The following CATSPER4 variants were observed in gnomAD, a reference collection of about 807,000 sequenced individuals.
CATSPER4 encodes cation channel sperm associated 4.
A neutral mutation model predicts 54.4 loss-of-function variants in CATSPER4; 46 were observed. The ratio of observed to expected loss-of-function variants is 0.84; its 90% confidence interval spans 0.67 to 1.08. CATSPER4 has a LOEUF of 1.08. CATSPER4 is among the 50% of genes least tolerant of loss of function. The pLI, the probability that CATSPER4 is intolerant of heterozygous loss-of-function variation, is 0.00. For missense variants in CATSPER4, 574 were observed against 612.8 expected, an observed-to-expected ratio of 0.94 and a Z score of 0.67; for synonymous variants, 230 against 231.9, an observed-to-expected ratio of 0.99 and a Z score of 0.08.
chr1:26,202,049 CT>C (rs781424207), intron 9 of CATSPER4, among the ~76,000 whole-genome samples: 2 of 152,312 alleles, frequency 1.3e-5, no homozygotes, highest in South Asian at 4.1e-4. Flanking sequence ...AGGTTCTGCA[CT>C]TTCCTTCTCG....
chr1:26,195,145 A>AAG (rs1394065288), intron 3 of CATSPER4, among the ~76,000 whole-genome samples: 2 of 152,208 alleles, frequency 1.3e-5, no homozygotes, highest in African/African-American at 4.8e-5. Flanking sequence ...ACTATGTTGA[A>AAG]AGGTACACAC....
At chr1:26,202,039 A>G (rs1218136551) in intron 9 of CATSPER4, among the ~76,000 whole-genome samples, 1 of 152,130 alleles carries the variant, frequency 6.6e-6, no homozygotes, top group Non-Finnish European at 1.5e-5. Context: ...CTATCTGGTT[A>G]GGTTCTGCAC....
rs529618082 is a variant in CATSPER4 at position 26,199,977 on chromosome 1, C to T, written c.906C>T (p.Phe302=). The part of the protein sequence containing the change: ...TIGAFIGINL[F]VIVVTTNLEQ... The stretch of plus-strand genomic sequence containing the variant: ...GTGCCTTCATTGGCATCAACCTGTT[C>T]GTCATCGTGGTGACCACCAACCTGG... Residue 302 remains phenylalanine, a synonymous_variant, in exon 7 of 10, where the codon TTC becomes TTT. Transcript: ENST00000456354. The T allele has an allele frequency of 5.6e-6, 9 of 1,614,036 alleles. No individual in the cohort carries two copies. Among genetic ancestry groups the T allele is most frequent in the Admixed American group, 3.3e-5 (2 of 59,996 alleles).
At chr1:26,190,893 C>A in intron 1 of CATSPER4, 53 bp downstream of exon 1, 1 of 1,519,210 alleles carries the variant, frequency 6.6e-7, no homozygotes, top group Non-Finnish European at 9.0e-7. Context: ...TGCTCATGGG[C>A]AGCAGGCCCT....
At chr1:26,192,259 C>T (rs1444954350) in intron 2 of CATSPER4, among the ~76,000 whole-genome samples, 1 of 151,804 alleles carries the variant, frequency 6.6e-6, no homozygotes, top group Non-Finnish European at 1.5e-5. Context: ...TCCCAAGTAG[C>T]TAGGACTACA....
At chr1:26,199,248 C>T (rs1027559930) in intron 6 of CATSPER4, among the ~76,000 whole-genome samples, 1 of 151,850 alleles carries the variant, frequency 6.6e-6, no homozygotes, top group Admixed American at 6.6e-5. Flanking sequence ...CCAGCCTGGC[C>T]AAAAAGGTGA....
At chr1:26,201,689 CCT>C in intron 9 of CATSPER4, 170 bp downstream of exon 9, 2 of 508,580 alleles carry the variant, frequency 3.9e-6, no homozygotes, top group East Asian at 3.2e-5. Context: ...TTCTTTCTTT[CCT>C]TTTTTTTTTT....
rs1169300947 is a variant in CATSPER4, at chr1:26,197,933, C to T, written c.558-24C>T. 11 of 1,612,114 alleles carry T rather than the reference C, an allele frequency of 6.8e-6. No homozygotes were observed. The South Asian group carries it at 8.8e-5, about 13-fold the overall frequency. ...GAAGGGGCTGGGAAGGGCCTAGGGG[C>T]ACCCCTGACAGGCTCTGCCACAGGG... is the stretch of plus-strand genomic sequence containing the variant. On this transcript the variant is annotated intron_variant, in intron 4 of 9. Transcript: ENST00000456354.
chr1:26,191,508 C>T, intron 2 of CATSPER4, 78 bp downstream of exon 2: 1 of 1,508,294 alleles, frequency 6.6e-7, no homozygotes, highest in Non-Finnish European at 9.1e-7. Flanking sequence ...CCTCAGGCTC[C>T]TCATCTGTCT....
intron 2 of CATSPER4, 49 bp downstream of exon 2, chr1:26,191,479 G>A: frequency 1.2e-6 from 2 of 1,603,656 alleles, no homozygotes. Context: ...TGGGGGGCCT[G>A]GGGCAAGAAC....
chr1:26,202,363 T>G lies in CATSPER4; in HGVS notation c.1366-126T>G, dbSNP rs868760862. 3 of 818,776 alleles carry G rather than the reference T, an allele frequency of 3.7e-6. No homozygotes were observed. In the Middle Eastern group the frequency reaches 8.8e-4, roughly 239 times the overall value. 50.7% of individuals were successfully genotyped at this position (818,776 alleles called of 1,614,324 possible). On this transcript the variant is annotated intron_variant, in intron 9 of 9. Transcript: ENST00000456354. ...GAGGGGGTACTAGGTAGGCTCAAGT[T>G]AGACCTATGAAGCACTTCTCTGGGA...
At chr1:26,193,180 G>A (rs1041524793) in intron 2 of CATSPER4, among the ~76,000 whole-genome samples, 1 of 152,036 alleles carries the variant, frequency 6.6e-6, no homozygotes, top group African/African-American at 2.4e-5. Context: ...AAGGAGTTTC[G>A]AGGTTGAGAG....
chr1:26,200,154 G>T, intron 7 of CATSPER4, 96 bp downstream of exon 7: 1 of 1,431,904 alleles, frequency 7.0e-7, no homozygotes, highest in South Asian at 1.3e-5. Context: ...GCATAATCAA[G>T]GGCCTGGAGA....
Position 26,199,068 on chromosome 1 carries a change from A to G in CATSPER4, c.812+649A>G, listed in dbSNP as rs147070774. 3.6e-3 allele frequency among the ~76,000 whole-genome samples: 548 copies of G among 152,288 alleles called. 6 individuals carry two copies. The highest frequency in any genetic ancestry group is 0.012 in the African/African-American group (506 of 41,570). Reference sequence around the variant, plus strand: ...ACGCCTGTAATCCCAGCACCTTGGGAGGCCGAGGTGGGCAGCTCACGAGGT... The same window carrying G: ...ACGCCTGTAATCCCAGCACCTTGGGGGGCCGAGGTGGGCAGCTCACGAGGT... On this transcript the variant is annotated intron_variant, in intron 6 of 9. Coordinates refer to ENST00000456354, the MANE Select transcript of CATSPER4 (RefSeq NM_198137.2).
chr1:26,190,716 G>T lies in CATSPER4; in HGVS notation c.89G>T (p.Gly30Val). The T allele has an allele frequency of 6.2e-7, 1 of 1,613,522 alleles. No individual in the cohort carries two copies. The highest frequency in any genetic ancestry group is 8.5e-7 in the Non-Finnish European group (1 of 1,179,952). ...GWGGTQEDRM[G>V]FGGAVAALRG... ...GGCGGGACTCAGGAGGACCGTATGG[G>T]GTTTGGAGGGGCAGTAGCTGCACTG... is the stretch of plus-strand genomic sequence containing the variant. The change falls in exon 1 of 10, where the codon GGG (glycine) becomes GTG (valine). Residue 30 changes from glycine (G) to valine (V), a missense_variant. Transcript: ENST00000456354.
intron 3 of CATSPER4, among the ~76,000 whole-genome samples, chr1:26,196,044 T>C (rs928739595): frequency 3.9e-5 from 6 of 152,184 alleles, no homozygotes; most frequent in African/African-American, 1.4e-4. Flanking sequence ...AACAGTAACA[T>C]AGTATAAACA....
intron 7 of CATSPER4, 26 bp downstream of exon 7, chr1:26,200,084 G>A (rs1413103164): frequency 2.5e-6 from 4 of 1,605,412 alleles, no homozygotes; most frequent in Non-Finnish European, 3.4e-6. Context: ...AGGGCAGAAG[G>A]GAGGAAAAGG....
At chr1:26,191,537 GC>G in intron 2 of CATSPER4, 107 bp downstream of exon 2, 1 of 1,301,240 alleles carries the variant, frequency 7.7e-7, no homozygotes, top group Non-Finnish European at 1.1e-6. Context: ...TGGATTGGAT[GC>G]TCTTCAAGGG....
chr1:26,191,654 G>A (rs2088870594), intron 2 of CATSPER4, among the ~76,000 whole-genome samples: 1 of 152,202 alleles, frequency 6.6e-6, no homozygotes, highest in Admixed American at 6.5e-5. Flanking sequence ...GTACAGGAGG[G>A]ACAGGAGAAG....
Sources: allele counts gnomAD v4.1 joint callset (sites outside exome capture counted in the v4.1 genomes callset), GRCh38; gene constraint gnomAD v4.1.1; transcripts MANE v1.5; gene names NCBI Gene and HGNC (gene_info 2026-07-23, HGNC 2026-07-21).